Variants in PAXIP1 observed in about 807,000 individuals in gnomAD.
The protein encoded by PAXIP1 is PAX interacting protein 1.
PAXIP1 carries 19 observed loss-of-function variants against 140.6 expected under a neutral mutation model. The ratio of observed to expected loss-of-function variants is 0.14; its 90% CI spans 0.09 to 0.20. The LOEUF is 0.20. Ranked by LOEUF, PAXIP1 falls within the 10% of genes least tolerant of loss-of-function variation. PAXIP1 has a pLI of 1.00. For missense variants in PAXIP1, 920 were observed against 1,208.6 expected (o/e 0.76, Z 3.54); for synonymous variants, 442 against 444.6 (o/e 0.99, Z 0.07).
At chr7:154,959,738 T>C (rs745776555) in intron 13 of PAXIP1, among the ~76,000 whole-genome samples, 152 bp downstream of exon 13, 12 of 152,234 alleles carry the variant, frequency 7.9e-5, no homozygotes, top group Non-Finnish European at 1.5e-4. Flanking sequence ...TCTAACCCTA[T>C]GAAAAATCAG....
rs755479539 is a variant in PAXIP1, at chr7:154,962,302, C to A, written c.2127+19G>T. 6.8e-6 allele frequency: 11 copies of A among 1,611,036 alleles called. No individual in the cohort carries two copies. Among genetic ancestry groups the A allele is most frequent in the East Asian group, 6.7e-5 (3 of 44,820 alleles). On this transcript the variant is annotated intron_variant, in intron 10 of 20. Transcript: ENST00000404141. The stretch of plus-strand genomic sequence containing the variant: ...TCGAAGGATGATTTAACAAATGGAA[C>A]GCGAGGACTCTGTCTTACATGCTGT...
chr7:154,959,197 A>G lies in PAXIP1; in HGVS notation c.2478+693T>C, dbSNP rs142155518. ...CAATCCCTAAATTACCTCTGTATACAATAGAAATGTGGTGAAAACTTGGTG... is the reference window on the plus strand; with the variant it reads ...CAATCCCTAAATTACCTCTGTATACGATAGAAATGTGGTGAAAACTTGGTG... On this transcript the variant is annotated intron_variant, in intron 13 of 20. Coordinates refer to ENST00000404141, the MANE Select transcript of PAXIP1 (RefSeq NM_007349.4). Among the ~76,000 whole-genome samples the G allele has an allele frequency of 8.4e-4, 128 of 152,356 alleles. No homozygotes were observed. The East Asian group carries it at 0.013, about 15-fold the overall frequency.
At chr7:154,960,194 G>A (rs1158840670) in intron 12 of PAXIP1, among the ~76,000 whole-genome samples, 1 of 152,206 alleles carries the variant, frequency 6.6e-6, no homozygotes, top group African/African-American at 2.4e-5. Context: ...AGCAAACGTT[G>A]TGTCGAAACC....
At chr7:155,002,297 C>G (rs964446812) in intron 1 of PAXIP1, among the ~76,000 whole-genome samples, 1 of 152,214 alleles carries the variant, frequency 6.6e-6, no homozygotes, top group Non-Finnish European at 1.5e-5. Context: ...GGGACACAGG[C>G]TGGAAGGGAG....
At chr7:154,999,811 T>C (rs1810804808) in intron 1 of PAXIP1, among the ~76,000 whole-genome samples, 1 of 152,114 alleles carries the variant, frequency 6.6e-6, no homozygotes, top group Non-Finnish European at 1.5e-5. Flanking sequence ...ATCAGCATTG[T>C]TACATAGATG....
At chr7:154,947,540 AT>A in intron 17 of PAXIP1, 1 of 202,772 alleles carries the variant, frequency 4.9e-6, no homozygotes, top group South Asian at 1.0e-4. Flanking sequence ...TTTACTGACA[AT>A]AGTACGAAGT....
chr7:154,957,365 A>C (rs1158358977), intron 13 of PAXIP1, 71 bp from the exon 14 acceptor site: 4 of 775,482 alleles, frequency 5.2e-6, no homozygotes, highest in Non-Finnish European at 8.4e-6. Context: ...CAGAAGATTT[A>C]TGTGTCAAAT....
chr7:154,950,749 G>C (rs1563361216), intron 16 of PAXIP1: 1 of 152,076 alleles, frequency 6.6e-6, no homozygotes, highest in Non-Finnish European at 1.5e-5. Context: ...GTGTAGGTGA[G>C]GGGCTGAACA....
chr7:154,988,384 T>G (rs1188903976), intron 4 of PAXIP1, among the ~76,000 whole-genome samples: 1 of 152,234 alleles, frequency 6.6e-6, no homozygotes, highest in Non-Finnish European at 1.5e-5. Context: ...CTGTGGCCCC[T>G]GAGTGGTCAT....
chr7:154,981,596 A>G (rs1809845986), intron 5 of PAXIP1, among the ~76,000 whole-genome samples: 1 of 152,218 alleles, frequency 6.6e-6, no homozygotes, highest in Non-Finnish European at 1.5e-5. Flanking sequence ...CACGTTTAGT[A>G]TCAACTTTTA....
In PAXIP1 at chr7:154,970,322, T is replaced by C. The variant is rs1241216325; in HGVS notation, c.1075-1196A>G. Reference sequence around the variant, plus strand: ...TCTCAAACATATTCTAACATGTATCTTTCACTTAAACAGATTCCAAATTGC... The same window carrying C: ...TCTCAAACATATTCTAACATGTATCCTTCACTTAAACAGATTCCAAATTGC... On this transcript the variant is annotated intron_variant, in intron 6 of 20. Transcript: ENST00000404141. 2.0e-5 allele frequency among the ~76,000 whole-genome samples: 3 copies of C among 152,224 alleles called. No individual in the cohort carries two copies. The East Asian group carries it at 5.8e-4, about 29-fold the overall frequency.
chr7:154,962,194 G>A (rs1215368093), intron 10 of PAXIP1, 127 bp downstream of exon 10: 8 of 962,664 alleles, frequency 8.3e-6, no homozygotes, highest in Non-Finnish European at 1.3e-5. Flanking sequence ...TTATGAACTG[G>A]GCAAAAGTAC....
At chr7:154,999,631 G>A (rs1349938692) in intron 1 of PAXIP1, among the ~76,000 whole-genome samples, 1 of 152,242 alleles carries the variant, frequency 6.6e-6, no homozygotes. Context: ...AGTCCAGACT[G>A]AAATGGTGGT....
intron 10 of PAXIP1, 43 bp downstream of exon 10, chr7:154,962,278 C>T (rs1253046837): frequency 1.2e-6 from 2 of 1,605,012 alleles, no homozygotes; most frequent in South Asian, 1.1e-5. Flanking sequence ...TCGCCAAAGT[C>T]GAAGGATGAT....
At chr7:154,998,972 C>G (rs12539951) in intron 1 of PAXIP1, among the ~76,000 whole-genome samples, 188 bp from the exon 2 acceptor site, 33,441 of 152,158 alleles carry the variant, frequency 0.22, 4,604 homozygotes, top group Middle Eastern at 0.32. Context: ...TCAAAAGCAG[C>G]AAATCTTGAT....
Position 154,986,243 on chromosome 7 carries a change from G to C in PAXIP1, c.325-2911C>G. On this transcript the variant is annotated intron_variant, in intron 4 of 20. Transcript: ENST00000404141. The surrounding 1 kb of genome is among the most constrained non-coding windows in gnomAD (Gnocchi z 4.8). ...AGAAACAGTCCTTTTGTAAAGCTGGGGTCCTGCCTGGCGTGTGCATGTGAG... is the reference window on the plus strand; with the variant it reads ...AGAAACAGTCCTTTTGTAAAGCTGGCGTCCTGCCTGGCGTGTGCATGTGAG... The C allele has an allele frequency of 8.2e-7, 1 of 1,218,746 alleles. No individual in the cohort carries two copies. Among genetic ancestry groups the C allele is most frequent in the Non-Finnish European group, 1.1e-6 (1 of 928,186 alleles). The allele number at this position is 1,218,746 out of a possible 1,614,324, so 75.5% of individuals were successfully genotyped here.
chr7:154,992,592 C>T (rs1485911949), intron 3 of PAXIP1, among the ~76,000 whole-genome samples: 1 of 146,920 alleles, frequency 6.8e-6, no homozygotes, highest in African/African-American at 2.6e-5. Context: ...AAGACTCTGT[C>T]TCAAAAAAAA....
intron 16 of PAXIP1, among the ~76,000 whole-genome samples, chr7:154,952,562 GT>G (rs1808319315): frequency 6.6e-6 from 1 of 152,188 alleles, no homozygotes; most frequent in South Asian, 2.1e-4. Context: ...TCATGCAGGC[GT>G]GAGTTACAGT....
At chr7:154,996,867 T>G (rs926699278) in intron 2 of PAXIP1, among the ~76,000 whole-genome samples, 2 of 152,204 alleles carry the variant, frequency 1.3e-5, no homozygotes, top group Non-Finnish European at 2.9e-5. Flanking sequence ...CAGGCAGGTT[T>G]AAGAACTACT....
Sources: allele counts gnomAD v4.1 joint callset (sites outside exome capture counted in the v4.1 genomes callset), GRCh38; gene constraint gnomAD v4.1.1; non-coding constraint Gnocchi (gnomAD v3.1); transcripts MANE v1.5; gene names NCBI Gene and HGNC (gene_info 2026-07-23, HGNC 2026-07-21).